Variants in COG3 observed in about 807,000 individuals in gnomAD.
COG3 encodes component of oligomeric golgi complex 3, also known as conserved oligomeric Golgi complex subunit 3.
Under a neutral mutation model 114.1 loss-of-function variants are expected in COG3, and 32 were observed. The observed-to-expected ratio is 0.28, with a 90% CI of 0.21 to 0.38. The LOEUF is 0.38. COG3 is among the 10% of genes least tolerant of loss of function. The pLI is 1.00. For missense variants in COG3, 813 were observed against 973.2 expected, an observed-to-expected ratio of 0.84 and a Z score of 2.19; for synonymous variants, 352 against 365.7, an observed-to-expected ratio of 0.96 and a Z score of 0.43.
intron 2 of COG3, among the ~76,000 whole-genome samples, chr13:45,477,794 T>C (rs1885972694): frequency 6.6e-6 from 1 of 151,978 alleles, no homozygotes; most frequent in South Asian, 2.1e-4. Context: ...GCCAGGCTAA[T>C]TTTTTGTATT....
chr13:45,493,620 C>A (rs1354281008), intron 12 of COG3, 134 bp downstream of exon 12: 1 of 657,276 alleles, frequency 1.5e-6, no homozygotes. Flanking sequence ...ATGCCTTACC[C>A]CTTCTTGAAT....
Position 45,478,995 on chromosome 13 carries a change from G to T in COG3, c.322-10G>T, listed in dbSNP as rs1733508153. ...AGTTTTGTTCACAATATAATACTCT[G>T]TTTTTCCAGTTTTTCTCATGGTTTG... On this transcript the variant is annotated splice_polypyrimidine_tract_variant and intron_variant, in intron 2 of 22. Transcript: ENST00000349995. 6.2e-7 allele frequency: 1 copy of T among 1,603,864 alleles called. No individual in the cohort carries two copies. The highest frequency in any genetic ancestry group is 1.3e-5 in the African/African-American group (1 of 74,662).
At chr13:45,494,057 G>C (rs1161465217) in intron 12 of COG3, 1 of 152,326 alleles carries the variant, frequency 6.6e-6, no homozygotes, top group Non-Finnish European at 1.5e-5. Flanking sequence ...GGGCATGGTG[G>C]CTCATGCCTG....
intron 13 of COG3, among the ~76,000 whole-genome samples, chr13:45,497,222 T>A (rs1016859659): frequency 1.3e-5 from 2 of 152,200 alleles, no homozygotes; most frequent in African/African-American, 4.8e-5. Context: ...GTTTGAAGAC[T>A]TGGGTTTATC....
chr13:45,468,987 C>T (rs1166420293), intron 1 of COG3, among the ~76,000 whole-genome samples: 2 of 152,138 alleles, frequency 1.3e-5, no homozygotes, highest in Non-Finnish European at 2.9e-5. Context: ...TTAATGGGGG[C>T]ATTTTCTCGT....
chr13:45,511,676 C>A, intron 15 of COG3, 89 bp from the exon 16 acceptor site: 1 of 905,198 alleles, frequency 1.1e-6, no homozygotes. Context: ...GGCAAGCAGG[C>A]ATTGTTATTT....
intron 20 of COG3, among the ~76,000 whole-genome samples, chr13:45,529,326 C>T (rs1174668176): frequency 6.6e-6 from 1 of 152,090 alleles, no homozygotes; most frequent in Non-Finnish European, 1.5e-5. Flanking sequence ...AAGAATATAA[C>T]AAATAGATAT....
At chr13:45,526,292 G>A (rs902402051) in intron 20 of COG3, among the ~76,000 whole-genome samples, 4 of 151,416 alleles carry the variant, frequency 2.6e-5, no homozygotes, top group Non-Finnish European at 4.4e-5. Flanking sequence ...TACCATGTTG[G>A]CCAGGCTGGT....
chr13:45,519,241 A>G (rs755874452), intron 19 of COG3, 147 bp downstream of exon 19: 152 of 916,154 alleles, frequency 1.7e-4, no homozygotes, highest in Non-Finnish European at 3.1e-5. Context: ...TGTGTTTCCT[A>G]TTATGGAAGC....
At chr13:45,534,623 G>A in intron 22 of COG3, 79 bp from the exon 23 acceptor site, 1 of 1,039,726 alleles carries the variant, frequency 9.6e-7, no homozygotes, top group South Asian at 1.6e-5. Flanking sequence ...CAACCCTTGT[G>A]GTTCCCCTCC....
intron 16 of COG3, among the ~76,000 whole-genome samples, chr13:45,512,612 T>A (rs1290721458): frequency 6.6e-6 from 1 of 151,328 alleles, no homozygotes; most frequent in Non-Finnish European, 1.5e-5. Flanking sequence ...GAATTACAGG[T>A]GTGAGCCACT....
intron 15 of COG3, among the ~76,000 whole-genome samples, chr13:45,511,234 A>G (rs71431381): frequency 0.055 from 8,383 of 151,782 alleles, 277 homozygotes; most frequent in East Asian, 0.1. Flanking sequence ...ACAGTATTCT[A>G]TAATTTAGAT....
In COG3 at chr13:45,493,458, G is replaced by C. The variant is rs2985959; in HGVS notation, c.1299G>C (p.Glu433Asp). 1.9e-6 allele frequency: 3 copies of C among 1,612,798 alleles called. No homozygotes were observed. The Admixed American group carries it at 5.0e-5, about 27-fold the overall frequency. Residue 433 changes from glutamate (E) to aspartate (D), a missense_variant, in exon 12 of 23, where the codon GAG becomes GAC. This residue lies in a region of COG3 where 389 missense variants were observed against 542.6 expected (regional missense o/e 0.72). Transcript: ENST00000349995. ...LSELCGILKN[E>D]VLEDHVQNNA... is the part of the protein sequence containing the mutation. ...AACTTTGTGGGATTCTTAAAAATGAGGTGCTTGAAGATCATGTGCAGAACA... is the reference window on the plus strand; with the variant it reads ...AACTTTGTGGGATTCTTAAAAATGACGTGCTTGAAGATCATGTGCAGAACA...
intron 15 of COG3, 132 bp from the exon 16 acceptor site, chr13:45,511,633 A>G: frequency 1.5e-6 from 1 of 650,648 alleles, no homozygotes; most frequent in Non-Finnish European, 2.7e-6. Context: ...ACCAGGAAGA[A>G]TAATACAAGT....
At chr13:45,528,237 A>G (rs1027512269) in intron 20 of COG3, among the ~76,000 whole-genome samples, 2 of 152,190 alleles carry the variant, frequency 1.3e-5, no homozygotes, top group Non-Finnish European at 2.9e-5. Context: ...ATAAACAAGC[A>G]TTGATCTAGG....
At chr13:45,489,518 G>A (rs892168514) in intron 8 of COG3, among the ~76,000 whole-genome samples, 1 of 152,014 alleles carries the variant, frequency 6.6e-6, no homozygotes, top group Non-Finnish European at 1.5e-5. Context: ...TCAGTGTGGT[G>A]GGTAATTATA....
chr13:45,468,980 A>G (rs779667410), intron 1 of COG3, among the ~76,000 whole-genome samples: 2 of 152,204 alleles, frequency 1.3e-5, no homozygotes, highest in African/African-American at 2.4e-5. Flanking sequence ...AGTCTACTTA[A>G]TGGGGGCATT....
chr13:45,489,379 C>A (rs1306933079), intron 8 of COG3, among the ~76,000 whole-genome samples: 1 of 148,878 alleles, frequency 6.7e-6, no homozygotes, highest in African/African-American at 2.5e-5. Context: ...AGATGTCTAA[C>A]AGATGTCTAA....
At chr13:45,484,193 C>T (rs1030088012) in intron 7 of COG3, among the ~76,000 whole-genome samples, 7 of 152,024 alleles carry the variant, frequency 4.6e-5, no homozygotes, top group Non-Finnish European at 1.0e-4. Context: ...GCATTTTTAC[C>T]GTTCACATTG....
Sources: allele counts gnomAD v4.1 joint callset (sites outside exome capture counted in the v4.1 genomes callset), GRCh38; gene constraint gnomAD v4.1.1; regional missense constraint gnomAD v4.1.1; transcripts MANE v1.5; gene names NCBI Gene and HGNC (gene_info 2026-07-23, HGNC 2026-07-21).